CLDN16: variants seen among roughly 807,000 people sequenced by gnomAD.
The protein encoded by CLDN16 is claudin 16, also known as claudin-16.
A neutral mutation model predicts 24.6 loss-of-function variants in CLDN16; 13 were observed. The observed-to-expected ratio is 0.53, with a 90% CI of 0.34 to 0.84. CLDN16 has a LOEUF of 0.84. Ranked by LOEUF, CLDN16 falls within the 40% of genes least tolerant of loss-of-function variation. CLDN16 has a pLI of 0.01. For missense variants in CLDN16, 298 were observed against 292.7 expected, an observed-to-expected ratio of 1.02 and a Z score of -0.13; for synonymous variants, 116 against 106.7, an observed-to-expected ratio of 1.09 and a Z score of -0.54.
upstream of CLDN16, among the ~76,000 whole-genome samples, chr3:190,385,357 C>T (rs117449744): frequency 1.8e-3 from 270 of 152,284 alleles, 9 homozygotes; most frequent in East Asian, 0.046. Context: ...GTTTACTGCT[C>T]TATCAGTTTG....
rs541245583 is a variant in CLDN16 at position 190,356,227 on chromosome 3, C to T, written n.122-14666C>T. On this transcript the variant is annotated intron_variant and non_coding_transcript_variant, in intron 1 of 4. Transcript: ENST00000468220. ...ACATCTTTAGATTATTTTTATCCTG[C>T]ATTTTATGGAGTTAATAAAAAACAA... Among the ~76,000 whole-genome samples, 5 of 151,704 alleles carry T rather than the reference C, an allele frequency of 3.3e-5. No homozygotes were observed. The East Asian group carries it at 9.7e-4, about 30-fold the overall frequency.
the CLDN16 span, among the ~76,000 whole-genome samples, chr3:190,298,348 T>TAC: frequency 0.12 from 18,453 of 147,866 alleles, 1,242 homozygotes; most frequent in African/African-American, 0.19. Flanking sequence ...ATGTATATTA[T>TAC]ACACACACAC....
At chr3:190,407,823 G>A (rs1316181746) in intron 3 of CLDN16, among the ~76,000 whole-genome samples, 1 of 152,204 alleles carries the variant, frequency 6.6e-6, no homozygotes, top group Non-Finnish European at 1.5e-5. Context: ...CATGGGTGCT[G>A]ATTACGTAGC....
the CLDN16 span, among the ~76,000 whole-genome samples, chr3:190,302,856 A>G: frequency 1.3e-5 from 2 of 151,210 alleles, no homozygotes; most frequent in Non-Finnish European, 2.9e-5. Flanking sequence ...ATATTACCAT[A>G]TACTGAAATG....
At chr3:190,402,811 TC>T (rs1388077972) in intron 2 of CLDN16, among the ~76,000 whole-genome samples, 3 of 152,144 alleles carry the variant, frequency 2.0e-5, no homozygotes, top group Non-Finnish European at 4.4e-5. Flanking sequence ...GGAAAGCATT[TC>T]AGAGATGTTT....
At chr3:190,374,271 G>C (rs966184736) in intron 2 of CLDN16, among the ~76,000 whole-genome samples, 31 of 36,746 alleles carry the variant, frequency 8.4e-4, no homozygotes, top group African/African-American at 4.1e-3. Flanking sequence ...GAAAAACATT[G>C]TGTGTGTGTG....
At chr3:190,324,606 G>A (rs1717019263) in intron 1 of CLDN16, among the ~76,000 whole-genome samples, 2 of 152,214 alleles carry the variant, frequency 1.3e-5, no homozygotes, top group Admixed American at 1.3e-4. Flanking sequence ...AATTAGCGGG[G>A]AATCGGAGGG....
chr3:190,311,474 T>A, the CLDN16 span, among the ~76,000 whole-genome samples: 1 of 152,194 alleles, frequency 6.6e-6, no homozygotes, highest in African/African-American at 2.4e-5. Flanking sequence ...CCTCAATTAC[T>A]GGTTAAACTG....
At chr3:190,406,688 G>A (rs1414758945) in intron 3 of CLDN16, among the ~76,000 whole-genome samples, 2 of 150,816 alleles carry the variant, frequency 1.3e-5, no homozygotes, top group Non-Finnish European at 2.9e-5. Flanking sequence ...TTATAGCAAT[G>A]CTATTGCAAT....
the CLDN16 span, among the ~76,000 whole-genome samples, chr3:190,297,130 G>T: frequency 6.6e-6 from 1 of 151,696 alleles, no homozygotes; most frequent in East Asian, 1.9e-4. Context: ...TCATTGTAGA[G>T]TGAGTAGTTT....
At chr3:190,350,243 C>T (rs1577405332) in intron 1 of CLDN16, among the ~76,000 whole-genome samples, 1 of 151,850 alleles carries the variant, frequency 6.6e-6, no homozygotes. Context: ...ATTTTATTCC[C>T]TGCGTAAAGC....
intron 1 of CLDN16, among the ~76,000 whole-genome samples, chr3:190,333,608 T>C (rs1461040435): frequency 6.6e-6 from 1 of 152,018 alleles, no homozygotes; most frequent in Admixed American, 6.6e-5. Flanking sequence ...AATCTACTGA[T>C]CTTTCATCTT....
rs1577434314 is a variant in CLDN16 at position 190,410,394 on chromosome 3, G to A, written c.*358G>A. On this transcript the variant is annotated 3_prime_UTR_variant, in exon 5 of 5. Coordinates refer to ENST00000264734, the MANE Select transcript of CLDN16 (RefSeq NM_006580.4). ...AGAAAGCAATTTCCAAAGAGGCCAG[G>A]GACCCTAATCTTTGAAGAGATGAAG... is the stretch of plus-strand genomic sequence containing the variant. The A allele has an allele frequency of 5.4e-6, 1 of 186,492 alleles. No homozygotes were observed. Among genetic ancestry groups the A allele is most frequent in the East Asian group, 1.4e-4 (1 of 6,912 alleles). The allele number at this position is 186,492 out of a possible 1,614,324, so 11.6% of individuals were successfully genotyped here.
chr3:190,383,693 A>G (rs1442717719), upstream of CLDN16, among the ~76,000 whole-genome samples: 2 of 152,200 alleles, frequency 1.3e-5, no homozygotes, highest in Admixed American at 6.6e-5. Flanking sequence ...ATTTGAAAGC[A>G]CCATAGGAGA....
chr3:190,345,238 G>A (rs919956185), intron 1 of CLDN16, among the ~76,000 whole-genome samples: 12 of 151,996 alleles, frequency 7.9e-5, no homozygotes, highest in Admixed American at 5.9e-4. Flanking sequence ...ATTTTGGCTC[G>A]GATGGATACT....
At chr3:190,380,144 T>C (rs931506305) in intron 3 of CLDN16, among the ~76,000 whole-genome samples, 139 of 12,042 alleles carry the variant, frequency 0.012, 3 homozygotes, top group East Asian at 0.017. Context: ...TCCTTCCTTT[T>C]CTTCCTTCCC....
intron 1 of CLDN16, among the ~76,000 whole-genome samples, chr3:190,341,376 AG>A (rs1717429036): frequency 6.6e-6 from 1 of 152,186 alleles, no homozygotes; most frequent in Non-Finnish European, 1.5e-5. Flanking sequence ...GTGCACTTGC[AG>A]GCTCAACACC....
chr3:190,386,260 C>T (rs75711187), upstream of CLDN16, among the ~76,000 whole-genome samples: 1 of 152,078 alleles, frequency 6.6e-6, no homozygotes, highest in East Asian at 1.9e-4. Context: ...TTTGAATGAG[C>T]ACTTAAAAAA....
chr3:190,356,271 AT>A lies in CLDN16; in HGVS notation n.122-14614del, dbSNP rs369001708. Among the ~76,000 whole-genome samples, 422 of 151,588 alleles carry A rather than the reference AT, an allele frequency of 2.8e-3. 2 individuals are homozygous for A. The highest frequency in any genetic ancestry group is 9.0e-3 in the African/African-American group (372 of 41,420). Reference sequence around the variant, plus strand: ...AAAACAAGCTTGAATATGTCTCTACATTTTTTTTCAGACCATCCCAATTAAT... The same window carrying A: ...AAAACAAGCTTGAATATGTCTCTACATTTTTTTCAGACCATCCCAATTAAT... On this transcript the variant is annotated intron_variant and non_coding_transcript_variant, in intron 1 of 4. Coordinates refer to the CLDN16 transcript ENST00000468220.
Sources: gnomAD v4.1 joint callset for allele counts (sites outside exome capture counted in the v4.1 genomes callset) on GRCh38, gnomAD v4.1.1 for gene constraint, MANE v1.5 for transcripts, NCBI Gene and HGNC (gene_info 2026-07-23, HGNC 2026-07-21) for gene names.